Variants in SMOX observed in about 807,000 individuals in gnomAD.
SMOX encodes flavin containing amine oxidase.
In SMOX, 22 loss-of-function variants were observed where a neutral mutation model predicts 51.0. That is an observed-to-expected ratio of 0.43 (90% CI 0.31 to 0.62). SMOX has a LOEUF of 0.62. SMOX is among the 20% of genes least tolerant of loss of function. The probability of loss-of-function intolerance (pLI) is 0.10; values close to 1 mark genes in which losing one functional copy is unlikely to be tolerated. For synonymous variants in SMOX, 282 were observed against 307.8 expected, an observed-to-expected ratio of 0.92 and a Z score of 0.88; for missense variants, 566 against 777.7, an observed-to-expected ratio of 0.73 and a Z score of 3.24.
chr20:4,168,678 TC>T (rs1300216174), intron 1 of SMOX, among the ~76,000 whole-genome samples: 1 of 151,558 alleles, frequency 6.6e-6, no homozygotes, highest in Non-Finnish European at 1.5e-5. Flanking sequence ...TGCCTCAGCC[TC>T]CCGAGTAGCT....
At position 4,183,993 on chromosome 20, in the gene SMOX, T is replaced by C. The variant is rs1251847761; in HGVS notation, c.1530+339T>C. ...AATACAGTATTTTTTTTTTCTTTTT[T>C]GAGACAGGGTCTTGCTCTGTCTACA... On this transcript the variant is annotated intron_variant, in intron 6 of 6. Coordinates refer to ENST00000305958, the MANE Select transcript of SMOX (RefSeq NM_175839.3). This position sits in a 1 kb window ranked among gnomAD's most constrained non-coding sequence, Gnocchi z 4.3. 6.6e-6 allele frequency among the ~76,000 whole-genome samples: 1 copy of C among 152,036 alleles called. No homozygotes were observed. Among genetic ancestry groups the C allele is most frequent in the Non-Finnish European group, 1.5e-5 (1 of 68,014 alleles).
chr20:4,163,336 G>A (rs1212085414), intron 1 of SMOX, among the ~76,000 whole-genome samples: 3 of 152,214 alleles, frequency 2.0e-5, no homozygotes, highest in African/African-American at 7.2e-5. Context: ...TGTCTCTTGG[G>A]CCTTATAAGC....
chr20:4,168,461 C>T (rs114758052), intron 1 of SMOX, among the ~76,000 whole-genome samples: 2,058 of 152,184 alleles, frequency 0.014, 48 homozygotes, highest in African/African-American at 0.047. Context: ...AATTCATCCC[C>T]GGGTGACCTT....
In SMOX at chr20:4,182,577, C is replaced by A; in HGVS notation, c.1098C>A (p.Asp366Glu). Residue 366 changes from aspartate to glutamate, a missense_variant, in exon 5 of 7, where the codon GAC becomes GAA. This residue lies in a region of SMOX where 347 missense variants were observed against 481.8 expected (regional missense o/e 0.72). Coordinates refer to ENST00000305958, the MANE Select transcript of SMOX (RefSeq NM_175839.3). This position sits in a 1 kb window ranked among gnomAD's most constrained non-coding sequence, Gnocchi z 8.4. ...AIHRLGIGTT[D>E]KIFLEFEEPF... Reference sequence around the variant, plus strand: ...ACCGCCTGGGCATTGGCACCACCGACAAGATCTTTCTGGAATTCGAGGAGC... The same window carrying A: ...ACCGCCTGGGCATTGGCACCACCGAAAAGATCTTTCTGGAATTCGAGGAGC... 1 of 1,614,086 alleles carries A rather than the reference C, an allele frequency of 6.2e-7. No individual in the cohort carries two copies.
At chr20:4,176,752 C>T (rs932395873) in intron 2 of SMOX, among the ~76,000 whole-genome samples, 1 of 152,148 alleles carries the variant, frequency 6.6e-6, no homozygotes, top group African/African-American at 2.4e-5. Context: ...ACGAGATGTC[C>T]CCTGCCCCAG....
At chr20:4,164,573 TTAA>T in intron 1 of SMOX, among the ~76,000 whole-genome samples, 1 of 152,198 alleles carries the variant, frequency 6.6e-6, no homozygotes, top group Non-Finnish European at 1.5e-5. Context: ...GGACTATTTA[TTAA>T]GTTGGGTCGT....
At position 4,167,811 on chromosome 20, in the gene SMOX, A is replaced by C. The variant is rs1986632183; in HGVS notation, c.-26-7219A>C. The stretch of plus-strand genomic sequence containing the variant: ...CCAGCAGTCCTTTTACTTCCTGGCC[A>C]GCCTGAGTGAGGAGGCTGGGGAGGG... On this transcript the variant is annotated intron_variant, in intron 1 of 6. Transcript: ENST00000305958. The surrounding 1 kb of genome is among the most constrained non-coding windows in gnomAD (Gnocchi z 4.8). Among the ~76,000 whole-genome samples, 1 of 152,056 alleles carries C rather than the reference A, an allele frequency of 6.6e-6. No homozygotes were observed. The highest frequency in any genetic ancestry group is 1.5e-5 in the Non-Finnish European group (1 of 67,998).
At chr20:4,174,414 C>T (rs924398419) in intron 1 of SMOX, among the ~76,000 whole-genome samples, 3 of 151,938 alleles carry the variant, frequency 2.0e-5, no homozygotes, top group Non-Finnish European at 4.4e-5. Flanking sequence ...ATGCAAGTAT[C>T]TTGGGGTCCA....
intron 3 of SMOX, among the ~76,000 whole-genome samples, chr20:4,178,864 G>A (rs1979102560): frequency 6.6e-6 from 1 of 152,050 alleles, no homozygotes. Context: ...TGTATTTTTA[G>A]TAGAAATGGG....
Position 4,175,892 on chromosome 20 carries a change from G to T in SMOX, c.208+629G>T, listed in dbSNP as rs907885019. ...TCCCTAGGTCAGGGCTTCCCAACTG[G>T]CGGGGGAGGGGGTGGGGGGGGGATG... On this transcript the variant is annotated intron_variant, in intron 2 of 6. Coordinates refer to ENST00000305958, the MANE Select transcript of SMOX (RefSeq NM_175839.3). Among the ~76,000 whole-genome samples, 5 of 145,952 alleles carry T rather than the reference G, an allele frequency of 3.4e-5. 1 individual carries two copies. The highest frequency in any genetic ancestry group is 6.8e-5 in the Admixed American group (1 of 14,690).
chr20:4,174,931 C>T, intron 1 of SMOX, 99 bp from the exon 2 acceptor site: 1 of 1,265,754 alleles, frequency 7.9e-7, no homozygotes. Flanking sequence ...CCCCCACCCA[C>T]AACAGAGGGC....
At position 4,168,957 on chromosome 20, in the gene SMOX, T is replaced by G. The variant is rs527476382; in HGVS notation, c.-26-6073T>G. Among the ~76,000 whole-genome samples, 1,245 of 131,214 alleles carry G rather than the reference T, an allele frequency of 9.5e-3. 21 individuals carry two copies. Among genetic ancestry groups the G allele is most frequent in the African/African-American group, 0.033 (1,163 of 35,682 alleles). 86.1% of individuals were successfully genotyped at this position (131,214 alleles called of 152,430 possible). On this transcript the variant is annotated intron_variant, in intron 1 of 6. Coordinates refer to ENST00000305958, the MANE Select transcript of SMOX (RefSeq NM_175839.3). ...TTTATTTTATTTTATTTTATGTTAT[T>G]TTATTTTAGAGACAGGGTCTTGCTC... is the stretch of plus-strand genomic sequence containing the variant.
Position 4,182,238 on chromosome 20 carries a change from C to T in SMOX, c.759C>T (p.His253=), listed in dbSNP as rs374161474. 2.9e-5 allele frequency: 46 copies of T among 1,613,722 alleles called. No individual in the cohort carries two copies. The highest frequency in any genetic ancestry group is 1.5e-4 in the African/African-American group (11 of 75,032). The part of the protein sequence containing the change: ...VELLAEGIPA[H]VIQLGKPVRC... ...TGCTGGCGGAGGGCATCCCTGCCCACGTCATCCAGCTAGGGAAACCTGTCC... is the reference window on the plus strand; with the variant it reads ...TGCTGGCGGAGGGCATCCCTGCCCATGTCATCCAGCTAGGGAAACCTGTCC... Residue 253 remains histidine (H), a synonymous_variant, in exon 5 of 7, where the codon CAC becomes CAT. Coordinates refer to ENST00000305958, the MANE Select transcript of SMOX (RefSeq NM_175839.3). The surrounding 1 kb of genome is among the most constrained non-coding windows in gnomAD (Gnocchi z 8.4).
rs1986609596 is a variant in SMOX at position 4,167,343 on chromosome 20, C to T, written c.-26-7687C>T. 6.6e-6 allele frequency among the ~76,000 whole-genome samples: 1 copy of T among 152,150 alleles called. No homozygotes were observed. The highest frequency in any genetic ancestry group is 1.9e-4 in the East Asian group (1 of 5,196). On this transcript the variant is annotated intron_variant, in intron 1 of 6. Transcript: ENST00000305958. This position sits in a 1 kb window ranked among gnomAD's most constrained non-coding sequence, Gnocchi z 4.8. The stretch of plus-strand genomic sequence containing the variant: ...GAGCTCTGGGCCCTAGGAAAGGTGA[C>T]TTCTGTACTGGTCTCTTTGGGGATC...
chr20:4,174,245 G>A (rs1244489960), intron 1 of SMOX, among the ~76,000 whole-genome samples: 1 of 152,234 alleles, frequency 6.6e-6, no homozygotes, highest in African/African-American at 2.4e-5. Flanking sequence ...GGGAAAGAGA[G>A]AGAGAGTGCC....
intron 1 of SMOX, among the ~76,000 whole-genome samples, chr20:4,164,786 G>A (rs1202032582): frequency 6.6e-6 from 1 of 152,142 alleles, no homozygotes; most frequent in Non-Finnish European, 1.5e-5. Flanking sequence ...GCGGGCAGCT[G>A]TGAGCACCAT....
At chr20:4,176,505 A>T (rs1978864198) in intron 2 of SMOX, among the ~76,000 whole-genome samples, 1 of 152,208 alleles carries the variant, frequency 6.6e-6, no homozygotes, top group African/African-American at 2.4e-5. Flanking sequence ...TATATCTTGA[A>T]GCAGGCCTGC....
chr20:4,180,148 T>G (rs1568745127), intron 3 of SMOX, among the ~76,000 whole-genome samples: 1 of 152,250 alleles, frequency 6.6e-6, no homozygotes, highest in African/African-American at 2.4e-5. Flanking sequence ...AAGAATTTGC[T>G]GAGGACTCCA....
intron 1 of SMOX, among the ~76,000 whole-genome samples, chr20:4,163,820 G>T (rs970375332): frequency 6.6e-6 from 1 of 152,306 alleles, no homozygotes; most frequent in East Asian, 1.9e-4. Context: ...ATGGTGACTG[G>T]CTTCTCCCAG....
Sources: gnomAD v4.1 joint callset for allele counts (sites outside exome capture counted in the v4.1 genomes callset) on GRCh38, gnomAD v4.1.1 for gene constraint, gnomAD v4.1.1 regional missense constraint, Gnocchi (gnomAD v3.1) non-coding constraint, MANE v1.5 for transcripts, NCBI Gene and HGNC (gene_info 2026-07-23, HGNC 2026-07-21) for gene names.